The following BANP variants were observed in gnomAD, a reference collection of about 807,000 sequenced individuals.
BANP encodes the protein protein BANP.
BANP carries 11 observed loss-of-function variants against 68.1 expected under a neutral mutation model. The observed-to-expected ratio is 0.16, with a 90% confidence interval of 0.10 to 0.27. BANP has a LOEUF of 0.27. Among genes scored for constraint, BANP ranks in the 10% least tolerant of loss-of-function variants. The pLI, the probability that BANP is intolerant of heterozygous loss-of-function variation, is 1.00. For synonymous variants in BANP, 329 were observed against 303.2 expected (o/e 1.09, Z -0.88); for missense variants, 504 against 722.7 (o/e 0.70, Z 3.47).
intron 1 of BANP, among the ~76,000 whole-genome samples, chr16:87,953,949 C>T (rs151212848): frequency 6.6e-6 from 1 of 152,356 alleles, no homozygotes; most frequent in African/African-American, 2.4e-5. Flanking sequence ...CCTCCCTGAA[C>T]GCTCTTGGAT....
intron 1 of BANP, among the ~76,000 whole-genome samples, chr16:87,971,584 T>G (rs994954155): frequency 6.6e-6 from 1 of 151,988 alleles, no homozygotes; most frequent in African/African-American, 2.4e-5. Context: ...TAAAAAATTT[T>G]TCTTTAAATA....
At chr16:88,035,054 T>C (rs1387348042) in intron 9 of BANP, 3 of 440,462 alleles carry the variant, frequency 6.8e-6, no homozygotes, top group Non-Finnish European at 1.3e-5. Context: ...AAGCATAGCA[T>C]ATATGGGGTT....
chr16:88,006,643 C>CAAAA (rs762203875), intron 6 of BANP, among the ~76,000 whole-genome samples: 1 of 100,248 alleles, frequency 1.0e-5, no homozygotes. Flanking sequence ...AACTCCATCT[C>CAAAA]AAAAAAAAAA....
intron 11 of BANP, among the ~76,000 whole-genome samples, chr16:88,048,737 G>A (rs185846352): frequency 9.6e-4 from 145 of 151,454 alleles, no homozygotes; most frequent in Middle Eastern, 3.4e-3. Context: ...GTATCAAATC[G>A]GCACTCACCA....
chr16:87,976,752 G>A (rs1411217612), intron 2 of BANP, among the ~76,000 whole-genome samples: 2 of 152,188 alleles, frequency 1.3e-5, no homozygotes, highest in Non-Finnish European at 2.9e-5. Context: ...GAGGGCAGTA[G>A]AAATAGTTTT....
At chr16:88,017,928 A>G (rs562357023) in intron 6 of BANP, among the ~76,000 whole-genome samples, 65 of 152,096 alleles carry the variant, frequency 4.3e-4, no homozygotes, top group African/African-American at 1.4e-3. Context: ...AAGGACTGGC[A>G]TTGTGTGCAC....
chr16:88,014,674 C>T (rs1378157861), intron 6 of BANP, among the ~76,000 whole-genome samples: 1 of 151,990 alleles, frequency 6.6e-6, no homozygotes, highest in East Asian at 1.9e-4. Context: ...TGCCCACCGT[C>T]CCCACACCAT....
chr16:88,010,823 C>T (rs1418796624), intron 6 of BANP, among the ~76,000 whole-genome samples: 1 of 152,226 alleles, frequency 6.6e-6, no homozygotes, highest in African/African-American at 2.4e-5. Flanking sequence ...CATTCGTGCA[C>T]GTGGAAAGGA....
At position 88,048,295 on chromosome 16, in the gene BANP, A is replaced by T. The variant is rs115821302; in HGVS notation, c.1311+10284A>T. Among the ~76,000 whole-genome samples the T allele has an allele frequency of 8.2e-3, 1,252 of 152,340 alleles. 17 individuals carry two copies. The highest frequency in any genetic ancestry group is 0.028 in the African/African-American group (1,169 of 41,568). On this transcript the variant is annotated intron_variant, in intron 11 of 13. Coordinates refer to ENST00000682872, the MANE Select transcript of BANP (RefSeq NM_001386991.1). ...CATCTAATCATTTGGAGAAATAACT[A>T]ATCTGCCTCATTGAGGAGATTGCAG... is the stretch of plus-strand genomic sequence containing the variant.
At position 88,058,426 on chromosome 16, in the gene BANP, C is replaced by T. The variant is rs540423025; in HGVS notation, c.1312-6841C>T. Among the ~76,000 whole-genome samples the T allele has an allele frequency of 5.3e-5, 8 of 152,246 alleles. No homozygotes were observed. The East Asian group carries it at 9.7e-4, about 18-fold the overall frequency. ...TTAGGTGTAAAAATGGGGCTTGGTC[C>T]GCAGCAGGGCCCAGTTCCACGGCAG... On this transcript the variant is annotated intron_variant, in intron 11 of 13. Transcript: ENST00000682872.
intron 11 of BANP, among the ~76,000 whole-genome samples, chr16:88,053,977 T>G (rs149616270): frequency 0.023 from 1,703 of 72,608 alleles, 500 homozygotes; most frequent in Non-Finnish European, 0.045. Flanking sequence ...TCCCACCTCC[T>G]TCACTATCAT....
intron 12 of BANP, among the ~76,000 whole-genome samples, chr16:88,065,590 G>A (rs1002456850): frequency 5.9e-5 from 9 of 152,166 alleles, no homozygotes; most frequent in Non-Finnish European, 1.0e-4. Context: ...GGTGAGACGC[G>A]CTTGCCAGGT....
intron 8 of BANP, among the ~76,000 whole-genome samples, chr16:88,027,855 C>G (rs1405430926): frequency 6.6e-6 from 1 of 152,264 alleles, no homozygotes; most frequent in South Asian, 2.1e-4. Flanking sequence ...AGCCTCGGGC[C>G]TGCTCCAGGC....
intron 7 of BANP, among the ~76,000 whole-genome samples, chr16:88,024,549 G>A (rs1376345775): frequency 6.6e-6 from 1 of 152,240 alleles, no homozygotes; most frequent in South Asian, 2.1e-4. Context: ...AAAGGAATCC[G>A]AGCCCTGAGG....
chr16:88,035,703 C>T (rs2079172132), intron 10 of BANP, among the ~76,000 whole-genome samples: 1 of 152,220 alleles, frequency 6.6e-6, no homozygotes, highest in Non-Finnish European at 1.5e-5. Flanking sequence ...TGGCCCTGCC[C>T]TTCCTGCCAG....
intron 11 of BANP, among the ~76,000 whole-genome samples, chr16:88,065,039 C>T (rs553971396): frequency 6.6e-6 from 1 of 152,360 alleles, no homozygotes; most frequent in East Asian, 1.9e-4. Flanking sequence ...CACGGACTGC[C>T]AGGCCTTTTG....
intron 6 of BANP, 150 bp downstream of exon 6, chr16:88,006,415 G>A: frequency 1.1e-6 from 1 of 927,858 alleles, no homozygotes; most frequent in Non-Finnish European, 1.6e-6. Flanking sequence ...GGGAGGCTGA[G>A]GCGGGCGGAT....
chr16:87,967,974 G>A (rs1445505132), intron 1 of BANP, among the ~76,000 whole-genome samples: 3 of 146,660 alleles, frequency 2.0e-5, no homozygotes, highest in South Asian at 2.1e-4. Flanking sequence ...GGCTGGTCTC[G>A]AACTCCCGAC....
intron 4 of BANP, among the ~76,000 whole-genome samples, chr16:87,985,306 G>C (rs1377821013): frequency 6.6e-6 from 1 of 152,248 alleles, no homozygotes; most frequent in East Asian, 1.9e-4. Flanking sequence ...TGGTGGTGGA[G>C]TTGGCATCTC....
Sources: gnomAD v4.1 joint callset for allele counts (sites outside exome capture counted in the v4.1 genomes callset) on GRCh38, gnomAD v4.1.1 for gene constraint, MANE v1.5 for transcripts, NCBI Gene and HGNC (gene_info 2026-07-23, HGNC 2026-07-21) for gene names.